Variants in DAB1 observed in about 807,000 individuals in gnomAD.
DAB1 encodes the protein disabled homolog 1.
In DAB1, 15 loss-of-function variants were observed where a neutral mutation model predicts 64.6. That is an observed-to-expected ratio of 0.23 (90% confidence interval 0.16 to 0.36). DAB1 has a LOEUF of 0.36. Ranked by LOEUF, DAB1 falls within the 10% of genes least tolerant of loss-of-function variation. DAB1 has a pLI of 1.00. For missense variants in DAB1, 596 were observed against 706.7 expected (o/e 0.84, Z 1.78); for synonymous variants, 235 against 251.9 (o/e 0.93, Z 0.64).
At chr1:57,086,298 T>C (rs1653066636) in intron 4 of DAB1, among the ~76,000 whole-genome samples, 1 of 152,062 alleles carries the variant, frequency 6.6e-6, no homozygotes, top group African/African-American at 2.4e-5. Context: ...AGCCATATCC[T>C]AGGGCTCTCT....
intron 7 of DAB1, among the ~76,000 whole-genome samples, chr1:57,465,331 G>C (rs1401911150): frequency 6.6e-6 from 1 of 152,086 alleles, no homozygotes; most frequent in Non-Finnish European, 1.5e-5. Context: ...ATGTAGTTTG[G>C]TCATCTGTGC....
At chr1:58,183,727 AGTT>A (rs887972686) in intron 4 of DAB1, among the ~76,000 whole-genome samples, 2 of 152,100 alleles carry the variant, frequency 1.3e-5, no homozygotes, top group African/African-American at 2.4e-5. Context: ...TCTTCCCAGA[AGTT>A]GTTATTTCCA....
At chr1:57,396,171 G>T (rs1012079480) in intron 1 of DAB1, among the ~76,000 whole-genome samples, 1 of 152,194 alleles carries the variant, frequency 6.6e-6, no homozygotes, top group African/African-American at 2.4e-5. Flanking sequence ...ACCATGCTGT[G>T]CTTCCCTTAT....
At chr1:57,439,128 T>C (rs1434710520) in intron 7 of DAB1, among the ~76,000 whole-genome samples, 1 of 152,054 alleles carries the variant, frequency 6.6e-6, no homozygotes, top group Admixed American at 6.6e-5. Flanking sequence ...GAGGTGAAAA[T>C]GCCCTCTTTG....
intron 6 of DAB1, among the ~76,000 whole-genome samples, chr1:57,801,808 C>T (rs1400024148): frequency 1.3e-5 from 2 of 152,152 alleles, no homozygotes; most frequent in Non-Finnish European, 2.9e-5. Context: ...CAGGCACGTG[C>T]CACCACACCC....
chr1:57,952,270 T>C (rs1042160095), intron 5 of DAB1, among the ~76,000 whole-genome samples: 11 of 152,178 alleles, frequency 7.2e-5, no homozygotes, highest in Admixed American at 5.2e-4. Flanking sequence ...GGGAGTATGA[T>C]GGGGAAGAGT....
At chr1:58,491,318 T>C (rs921031159) in intron 3 of DAB1, among the ~76,000 whole-genome samples, 28 of 152,058 alleles carry the variant, frequency 1.8e-4, no homozygotes, top group African/African-American at 6.3e-4. Context: ...ACATGCCAAA[T>C]TGTAAAGACC....
intron 5 of DAB1, among the ~76,000 whole-genome samples, chr1:57,979,062 G>A (rs1279862288): frequency 6.6e-6 from 1 of 151,974 alleles, no homozygotes; most frequent in Admixed American, 6.6e-5. Flanking sequence ...CCCATTACTG[G>A]GTATATACTC....
chr1:58,012,900 G>A (rs1646688370), intron 5 of DAB1, among the ~76,000 whole-genome samples: 1 of 152,216 alleles, frequency 6.6e-6, no homozygotes, highest in Non-Finnish European at 1.5e-5. Context: ...GTGGCAGGCT[G>A]TGGAAAAGAG....
Position 58,241,038 on chromosome 1 carries a change from A to T in DAB1, n.310-90450T>A, listed in dbSNP as rs1408473103. 3.3e-5 allele frequency among the ~76,000 whole-genome samples: 5 copies of T among 152,210 alleles called. No individual in the cohort carries two copies. The East Asian group carries it at 9.6e-4, about 29-fold the overall frequency. On this transcript the variant is annotated intron_variant and non_coding_transcript_variant, in intron 4 of 20. Coordinates refer to the DAB1 transcript ENST00000485760. ...TCCACACATAAAGATATGAGAATTTAAAATCCATATATCCATATGTCTGGA... is the reference window on the plus strand; with the variant it reads ...TCCACACATAAAGATATGAGAATTTTAAATCCATATATCCATATGTCTGGA...
At chr1:57,303,282 C>T (rs1372935309) in intron 1 of DAB1, among the ~76,000 whole-genome samples, 1 of 152,204 alleles carries the variant, frequency 6.6e-6, no homozygotes. Flanking sequence ...TCCCTAGCTT[C>T]TGGAGCCTGT....
intron 5 of DAB1, among the ~76,000 whole-genome samples, chr1:58,136,035 C>T (rs958776404): frequency 4.6e-5 from 7 of 152,008 alleles, no homozygotes; most frequent in African/African-American, 1.4e-4. Context: ...TCACTCAGAT[C>T]GCTGCAACAA....
intron 7 of DAB1, among the ~76,000 whole-genome samples, chr1:57,617,318 C>A (rs1645801707): frequency 6.6e-6 from 1 of 152,134 alleles, no homozygotes; most frequent in South Asian, 2.1e-4. Flanking sequence ...TCAATTCACA[C>A]TGCAGTGGCC....
chr1:58,373,884 G>C lies in DAB1; in HGVS notation n.258-30481C>G, dbSNP rs541905558. On this transcript the variant is annotated intron_variant and non_coding_transcript_variant, in intron 3 of 20. Transcript: ENST00000485760. ...ATGATTGCCATTCTAACTGGTGTGA[G>C]ATGATATCTCATAGTGGTTTTGATT... 4.6e-5 allele frequency among the ~76,000 whole-genome samples: 7 copies of C among 150,674 alleles called. No individual in the cohort carries two copies. In the South Asian group the frequency reaches 1.5e-3, roughly 32 times the overall value.
chr1:58,127,711 T>G (rs1489168213), intron 5 of DAB1, among the ~76,000 whole-genome samples: 1 of 151,982 alleles, frequency 6.6e-6, no homozygotes, highest in Non-Finnish European at 1.5e-5. Context: ...ATTTATTAAA[T>G]AGGGAATCCT....
At chr1:57,147,289 T>A (rs969175989) in intron 2 of DAB1, among the ~76,000 whole-genome samples, 1 of 151,958 alleles carries the variant, frequency 6.6e-6, no homozygotes, top group African/African-American at 2.4e-5. Flanking sequence ...AGTGCAGGGA[T>A]TATAGGCGTG....
chr1:58,085,762 C>T lies in DAB1; in HGVS notation n.387+64749G>A, dbSNP rs12031471. ...TAATTTCCCCCTACACGCTCCAACC[C>T]TCACCCACTTTTCCTATTGGGGTGC... On this transcript the variant is annotated intron_variant and non_coding_transcript_variant, in intron 5 of 20. Transcript: ENST00000485760. Among the ~76,000 whole-genome samples, 568 of 152,152 alleles carry T rather than the reference C, an allele frequency of 3.7e-3. 32 individuals carry two copies. The East Asian group carries it at 0.097, about 26-fold the overall frequency.
intron 4 of DAB1, among the ~76,000 whole-genome samples, chr1:57,080,821 G>A (rs904549145): frequency 2.6e-5 from 4 of 152,032 alleles, no homozygotes; most frequent in African/African-American, 9.7e-5. Context: ...TAACACTGGG[G>A]TTCAACTAAA....
chr1:58,170,261 G>A (rs1656089282), intron 4 of DAB1, among the ~76,000 whole-genome samples: 1 of 152,124 alleles, frequency 6.6e-6, no homozygotes, highest in Admixed American at 6.5e-5. Context: ...AGGAGAATTA[G>A]GAAAAAGCCC....
Sources: allele counts gnomAD v4.1 joint callset (sites outside exome capture counted in the v4.1 genomes callset), GRCh38; gene constraint gnomAD v4.1.1; transcripts MANE v1.5; gene names NCBI Gene and HGNC (gene_info 2026-07-23, HGNC 2026-07-21).